Variants in KCNT2 observed in about 807,000 individuals in gnomAD.
KCNT2 encodes the protein potassium channel subfamily T member 2.
KCNT2 carries 67 observed loss-of-function variants against 153.8 expected under a neutral mutation model. The observed-to-expected ratio is 0.44, with a 90% CI of 0.36 to 0.53. The LOEUF (loss-of-function observed/expected upper bound fraction) is 0.53. KCNT2 is among the 20% of genes least tolerant of loss of function. The probability of loss-of-function intolerance (pLI) is 0.00; values close to 1 mark genes in which losing one functional copy is unlikely to be tolerated. For synonymous variants in KCNT2, 500 were observed against 458.8 expected (o/e 1.09, Z -1.15); for missense variants, 975 against 1,354.8 (o/e 0.72, Z 4.40).
chr1:196,507,455 A>G (rs1681240344), intron 1 of KCNT2, among the ~76,000 whole-genome samples: 1 of 152,310 alleles, frequency 6.6e-6, no homozygotes, highest in East Asian at 1.9e-4. Context: ...TGCCTAATTT[A>G]AAAAGATAAT....
intron 8 of KCNT2, among the ~76,000 whole-genome samples, chr1:196,458,822 A>G (rs1397568342): frequency 6.6e-6 from 1 of 151,938 alleles, no homozygotes; most frequent in African/African-American, 2.4e-5. Context: ...AATGCTTAAT[A>G]TCCCATATAC....
At chr1:196,235,460 G>A (rs1192409994) in intron 27 of KCNT2, among the ~76,000 whole-genome samples, 1 of 151,450 alleles carries the variant, frequency 6.6e-6, no homozygotes, top group African/African-American at 2.4e-5. Context: ...TGTGTAAATT[G>A]TAGCTTTGTT....
rs574617753 is a variant in KCNT2 at position 196,331,197 on chromosome 1, G to C, written c.2062C>G (p.Leu688Val). ...IGSSPTFCHL[L>V]HEKVPFCCLR... ...CAGCAAAATGGTACTTTTTCATGAA[G>C]GAGATGACAAAAAGTGGGTGAACTT... The change falls in exon 18 of 28, where the codon CTT (leucine) becomes GTT (valine). Residue 688 changes from leucine to valine, a missense_variant. Around this residue, in one of 6 missense-constraint regions of KCNT2, gnomAD observed 325 missense variants for 388.1 expected, o/e 0.84. Coordinates refer to ENST00000294725, the MANE Select transcript of KCNT2 (RefSeq NM_198503.5). The C allele has an allele frequency of 3.7e-6, 6 of 1,609,608 alleles. No homozygotes were observed. In the African/African-American group the frequency reaches 6.7e-5, roughly 18 times the overall value.
At chr1:196,415,323 T>A (rs1041716536) in intron 12 of KCNT2, among the ~76,000 whole-genome samples, 3 of 151,828 alleles carry the variant, frequency 2.0e-5, no homozygotes, top group Non-Finnish European at 4.4e-5. Flanking sequence ...TTAATCAACC[T>A]CTGTGTAAGA....
chr1:196,408,457 T>G (rs1218070668), intron 12 of KCNT2, among the ~76,000 whole-genome samples: 1 of 151,644 alleles, frequency 6.6e-6, no homozygotes, highest in African/African-American at 2.4e-5. Flanking sequence ...TGCACTCATG[T>G]ACAGAAAACA....
chr1:196,502,149 C>T (rs1434568403), intron 1 of KCNT2, among the ~76,000 whole-genome samples: 1 of 152,098 alleles, frequency 6.6e-6, no homozygotes. Flanking sequence ...AGTTCAGGCT[C>T]AAGTGCTTCC....
Position 196,416,984 on chromosome 1 carries a change from T to C in KCNT2, c.1185+6066A>G, listed in dbSNP as rs544765286. On this transcript the variant is annotated intron_variant, in intron 12 of 27. Coordinates refer to ENST00000294725, the MANE Select transcript of KCNT2 (RefSeq NM_198503.5). ...TACTCTCTATGTCCATTAGTTCAAT[T>C]GCTTTGATTTTTAGACCCCATGCAA... 5.9e-5 allele frequency among the ~76,000 whole-genome samples: 9 copies of C among 152,192 alleles called. No individual in the cohort carries two copies. In the South Asian group the frequency reaches 1.2e-3, roughly 21 times the overall value.
intron 1 of KCNT2, among the ~76,000 whole-genome samples, chr1:196,499,190 A>G (rs1042311698): frequency 1.2e-4 from 19 of 152,308 alleles, no homozygotes; most frequent in African/African-American, 4.6e-4. Flanking sequence ...CTCCTAGAGC[A>G]TTAGTAAAGC....
chr1:196,347,378 A>G (rs1469149003), intron 14 of KCNT2, among the ~76,000 whole-genome samples: 3 of 152,196 alleles, frequency 2.0e-5, no homozygotes, highest in African/African-American at 7.2e-5. Context: ...AATAAATAGT[A>G]CATTTCCAAA....
intron 1 of KCNT2, among the ~76,000 whole-genome samples, chr1:196,539,584 AG>A (rs1656064803): frequency 6.6e-6 from 1 of 152,142 alleles, no homozygotes; most frequent in Non-Finnish European, 1.5e-5. Flanking sequence ...TACAGTATTC[AG>A]TTTTTATTTC....
At chr1:196,379,387 A>G (rs1025902999) in intron 13 of KCNT2, among the ~76,000 whole-genome samples, 1 of 152,086 alleles carries the variant, frequency 6.6e-6, no homozygotes, top group African/African-American at 2.4e-5. Flanking sequence ...CCTGGCCAAC[A>G]TGGCAAAACC....
At chr1:196,381,534 A>G (rs1332352993) in intron 13 of KCNT2, among the ~76,000 whole-genome samples, 1 of 152,206 alleles carries the variant, frequency 6.6e-6, no homozygotes, top group Non-Finnish European at 1.5e-5. Flanking sequence ...TCAGATAAGC[A>G]ATCAGATATT....
rs558866236 is a variant in KCNT2, at chr1:196,273,323, C to T, written c.2910+7537G>A. 202 of 565,528 alleles carry T rather than the reference C, an allele frequency of 3.6e-4. 1 individual carries two copies. The highest frequency in any genetic ancestry group is 2.1e-3 in the Admixed American group (65 of 30,370). 35.0% of individuals were successfully genotyped at this position (565,528 alleles called of 1,614,324 possible). A position where few individuals can be genotyped will look rare whatever the true frequency, so the allele number is the denominator to read the frequency against. ...TAAGTACATTAATTTGAAAAGAAAA[C>T]ATTTATATGCATTTAAGTTTAAATG... On this transcript the variant is annotated intron_variant, in intron 25 of 27. Coordinates refer to ENST00000294725, the MANE Select transcript of KCNT2 (RefSeq NM_198503.5).
chr1:196,273,203 T>C (rs1347333072), intron 25 of KCNT2, among the ~76,000 whole-genome samples: 1 of 151,858 alleles, frequency 6.6e-6, no homozygotes, highest in Admixed American at 6.6e-5. Flanking sequence ...ATATCTTTCA[T>C]TATTAACTTT....
At chr1:196,293,218 T>C (rs1660361945) in intron 22 of KCNT2, among the ~76,000 whole-genome samples, 6 of 152,218 alleles carry the variant, frequency 3.9e-5, no homozygotes. Flanking sequence ...TCAGATTTAC[T>C]GCAATCCTGA....
At chr1:196,426,222 C>T (rs1673643962) in intron 10 of KCNT2, among the ~76,000 whole-genome samples, 1 of 151,998 alleles carries the variant, frequency 6.6e-6, no homozygotes, top group African/African-American at 2.4e-5. Flanking sequence ...CAACTTATTT[C>T]AGTCTTACTA....
intron 14 of KCNT2, among the ~76,000 whole-genome samples, chr1:196,344,631 A>T (rs1001265310): frequency 2.0e-5 from 3 of 152,206 alleles, no homozygotes; most frequent in African/African-American, 7.2e-5. Context: ...TCCAAAAGCC[A>T]GCATGAGGTC....
chr1:196,388,612 T>C (rs1361803158), intron 13 of KCNT2, among the ~76,000 whole-genome samples: 4 of 151,652 alleles, frequency 2.6e-5, no homozygotes, highest in Non-Finnish European at 4.4e-5. Context: ...CTTGCACATA[T>C]TTTATTAAAT....
chr1:196,402,635 A>T (rs904958012), intron 12 of KCNT2, among the ~76,000 whole-genome samples: 1 of 151,796 alleles, frequency 6.6e-6, no homozygotes, highest in East Asian at 2.0e-4. Flanking sequence ...GAGGAAACAA[A>T]CAAAACAATT....
Sources: gnomAD v4.1 joint callset for allele counts (sites outside exome capture counted in the v4.1 genomes callset) on GRCh38, gnomAD v4.1.1 for gene constraint, gnomAD v4.1.1 regional missense constraint, MANE v1.5 for transcripts, NCBI Gene and HGNC (gene_info 2026-07-23, HGNC 2026-07-21) for gene names.